RANBP3: variants seen among roughly 807,000 people sequenced by gnomAD.
RANBP3 encodes ran-binding protein 3.
In RANBP3, 14 loss-of-function variants were observed where a neutral mutation model predicts 77.3. The observed-to-expected ratio is 0.18, with a 90% CI of 0.12 to 0.28. The LOEUF (loss-of-function observed/expected upper bound fraction) is 0.28, where lower values mean the gene tolerates loss of function less well. RANBP3 is among the 10% of genes least tolerant of loss of function. The probability of loss-of-function intolerance (pLI) is 1.00; values close to 1 mark genes in which losing one functional copy is unlikely to be tolerated. For missense variants in RANBP3, 586 were observed against 752.3 expected, an observed-to-expected ratio of 0.78 and a Z score of 2.59; for synonymous variants, 315 against 312.4, an observed-to-expected ratio of 1.01 and a Z score of -0.09.
chr19:5,930,128 C>T (rs1047920846), intron 8 of RANBP3, among the ~76,000 whole-genome samples: 11 of 152,224 alleles, frequency 7.2e-5, no homozygotes, highest in African/African-American at 9.6e-5. Flanking sequence ...GATGGCGGGA[C>T]GGGCTGGGTC....
chr19:5,938,454 C>A (rs909224669), intron 5 of RANBP3, among the ~76,000 whole-genome samples: 2 of 152,174 alleles, frequency 1.3e-5, no homozygotes, highest in African/African-American at 4.8e-5. Context: ...CTTTGGGAGG[C>A]TGAGGCGGGA....
intron 1 of RANBP3, among the ~76,000 whole-genome samples, chr19:5,976,865 T>C (rs2058598134): frequency 6.6e-6 from 1 of 152,224 alleles, no homozygotes; most frequent in South Asian, 2.1e-4. Flanking sequence ...TGAGCACCCG[T>C]GGTCTGGCAT....
chr19:5,966,101 T>G (rs1170263548), intron 1 of RANBP3, among the ~76,000 whole-genome samples: 1 of 152,232 alleles, frequency 6.6e-6, no homozygotes, highest in East Asian at 1.9e-4. Context: ...GACTCCAGTT[T>G]GCTTCCTCTC....
chr19:5,917,860 G>A lies in RANBP3; in HGVS notation c.1594C>T (p.Pro532Ser). The A allele has an allele frequency of 6.2e-7, 1 of 1,612,802 alleles. No homozygotes were observed. Among genetic ancestry groups the A allele is most frequent in the East Asian group, 2.2e-5 (1 of 44,878 alleles). ...KMPAPEPGAA[P>S]SNEEDDSDDD... Reference sequence around the variant, plus strand: ...TCGCTGTCGTCCTCCTCGTTGGATGGGGCTGCCCCAGGCTCAGGCGCGGGC... The same window carrying A: ...TCGCTGTCGTCCTCCTCGTTGGATGAGGCTGCCCCAGGCTCAGGCGCGGGC... Residue 532 changes from proline (P) to serine (S), a missense_variant, in exon 16 of 17, where the codon CCA becomes TCA. Coordinates refer to ENST00000340578, the MANE Select transcript of RANBP3 (RefSeq NM_007322.3).
intron 1 of RANBP3, among the ~76,000 whole-genome samples, chr19:5,966,085 T>C (rs923838429): frequency 1.3e-5 from 2 of 152,234 alleles, no homozygotes; most frequent in Admixed American, 6.5e-5. Flanking sequence ...AGGGAGGAGT[T>C]ACCTGGACTC....
At chr19:5,930,740 T>G (rs192285402) in intron 8 of RANBP3, among the ~76,000 whole-genome samples, 10 of 152,206 alleles carry the variant, frequency 6.6e-5, no homozygotes, top group African/African-American at 2.4e-4. Context: ...GGCTAATCTG[T>G]GTATTTTTTG....
chr19:5,962,046 C>T (rs914666525), intron 1 of RANBP3, among the ~76,000 whole-genome samples: 16 of 152,220 alleles, frequency 1.1e-4, no homozygotes, highest in East Asian at 7.7e-4. Flanking sequence ...CACTCCCTCC[C>T]GAGCAGGCCT....
chr19:5,924,899 C>G lies in RANBP3; in HGVS notation c.924G>C (p.Glu308Asp). 1 of 1,613,794 alleles carries G rather than the reference C, an allele frequency of 6.2e-7. No individual in the cohort carries two copies. Among genetic ancestry groups the G allele is most frequent in the Non-Finnish European group, 8.5e-7 (1 of 1,179,662 alleles). Residue 308 changes from glutamate to aspartate, a missense_variant, in exon 11 of 17, where the codon GAG (glutamate) becomes GAC (aspartate). Coordinates refer to ENST00000340578, the MANE Select transcript of RANBP3 (RefSeq NM_007322.3). The surrounding 1 kb of genome is among the most constrained non-coding windows in gnomAD (Gnocchi z 4.7). Reference protein sequence around the residue: ...YFLQYISSSLENSTNSADASS... With the variant: ...YFLQYISSSLDNSTNSADASS... ...AGGCGTCGGCACTATTGGTTGAGTT[C>G]TCTAAACTGAAGAGAAGATGTGCAA... is the stretch of plus-strand genomic sequence containing the variant.
chr19:5,923,150 T>C, intron 13 of RANBP3, 44 bp downstream of exon 13: 1 of 1,530,568 alleles, frequency 6.5e-7, no homozygotes, highest in South Asian at 1.1e-5. Flanking sequence ...GACCCCCAGG[T>C]GCATGGAAGA....
At chr19:5,925,036 G>A (rs1194838293) in intron 10 of RANBP3, 131 bp from the exon 11 acceptor site, 5 of 829,894 alleles carry the variant, frequency 6.0e-6, no homozygotes, top group South Asian at 1.4e-5. Context: ...TGCACGGGGT[G>A]GCGTGTCAGA....
At chr19:5,962,815 C>T (rs968918668) in intron 1 of RANBP3, 2 of 452,744 alleles carry the variant, frequency 4.4e-6, no homozygotes, top group African/African-American at 4.0e-5. Flanking sequence ...GACACACAAG[C>T]CCCATTCCAG....
In RANBP3 at chr19:5,921,351, G is replaced by A. The variant is rs1202409006; in HGVS notation, c.1210-30C>T. 2.5e-6 allele frequency: 4 copies of A among 1,610,760 alleles called. No homozygotes were observed. Among genetic ancestry groups the A allele is most frequent in the Non-Finnish European group, 3.4e-6 (4 of 1,178,496 alleles). On this transcript the variant is annotated intron_variant, in intron 13 of 16. Coordinates refer to ENST00000340578, the MANE Select transcript of RANBP3 (RefSeq NM_007322.3). The surrounding 1 kb of genome is among the most constrained non-coding windows in gnomAD (Gnocchi z 5.3). ...AACACAGTGGCCGCCGGTAAGCAGG[G>A]ACCCCAGCTGGTGTCCTGCTGCAGC... is the stretch of plus-strand genomic sequence containing the variant.
rs371539119 is a variant in RANBP3 at position 5,951,384 on chromosome 19, T to A, written c.282+9A>T. ...GGGCGGTAGGAGTGCCGGGTAGGTG[T>A]GGACTTACCCCTGCCAGTTCTCGCG... is the stretch of plus-strand genomic sequence containing the variant. On this transcript the variant is annotated intron_variant, in intron 3 of 16. Transcript: ENST00000340578. The A allele has an allele frequency of 1.3e-5, 20 of 1,550,448 alleles. No homozygotes were observed. In the African/African-American group the frequency reaches 2.6e-4, roughly 20 times the overall value.
intron 1 of RANBP3, among the ~76,000 whole-genome samples, chr19:5,975,665 T>C (rs2058581971): frequency 6.9e-6 from 1 of 145,798 alleles, no homozygotes; most frequent in African/African-American, 2.6e-5. Flanking sequence ...GCATGCCGGA[T>C]TGTTAAGAGC....
At position 5,917,162 on chromosome 19, in the gene RANBP3, TG is replaced by T; in HGVS notation, c.*447del. On this transcript the variant is annotated 3_prime_UTR_variant, in exon 17 of 17. Coordinates refer to ENST00000340578, the MANE Select transcript of RANBP3 (RefSeq NM_007322.3). ...TGGGCGGGGGTCCCAGGCCTATAGT[TG>T]GGGAGCCCTGGGCAGGGGCAGAGGG... The T allele has an allele frequency of 4.5e-6, 1 of 223,606 alleles. No individual in the cohort carries two copies. Among genetic ancestry groups the T allele is most frequent in the Non-Finnish European group, 9.1e-6 (1 of 110,124 alleles). 13.9% of individuals were successfully genotyped at this position (223,606 alleles called of 1,614,324 possible).
intron 1 of RANBP3, 65 bp downstream of exon 1, chr19:5,977,996 G>A (rs2058618161): frequency 6.3e-7 from 1 of 1,595,842 alleles, no homozygotes. Flanking sequence ...AAGGGCTTGT[G>A]GCCCCTAGTC....
At chr19:5,946,227 G>A (rs946902004) in intron 3 of RANBP3, among the ~76,000 whole-genome samples, 6 of 152,192 alleles carry the variant, frequency 3.9e-5, no homozygotes, top group African/African-American at 7.2e-5. Context: ...GATCTCAGAG[G>A]TGTCTCCTAC....
chr19:5,944,717 C>T (rs1281804770), intron 3 of RANBP3, among the ~76,000 whole-genome samples: 6 of 152,240 alleles, frequency 3.9e-5, no homozygotes, highest in South Asian at 4.1e-4. Flanking sequence ...CCGATCTCCT[C>T]GGACACCGCA....
rs1309328975 is a variant in RANBP3, at chr19:5,917,330, G to T, written c.*280C>A. The T allele has an allele frequency of 4.0e-6, 2 of 498,162 alleles. No homozygotes were observed. The highest frequency in any genetic ancestry group is 3.9e-5 in the African/African-American group (2 of 50,694). The allele number at this position is 498,162 out of a possible 1,614,324, so 30.9% of individuals were successfully genotyped here. ...AGGTCTCCAGTCCCAGTGAGAAGCC[G>T]TGACAAGTCTTAATGTGCCATTTCA... On this transcript the variant is annotated 3_prime_UTR_variant, in exon 17 of 17. Transcript: ENST00000340578.
Sources: gnomAD v4.1 joint callset for allele counts (sites outside exome capture counted in the v4.1 genomes callset) on GRCh38, gnomAD v4.1.1 for gene constraint, Gnocchi (gnomAD v3.1) non-coding constraint, MANE v1.5 for transcripts, NCBI Gene and HGNC (gene_info 2026-07-23, HGNC 2026-07-21) for gene names.